CACNA1S: variants seen among roughly 807,000 people sequenced by gnomAD.
CACNA1S encodes calcium voltage-gated channel subunit alpha1 S.
A neutral mutation model predicts 207.4 loss-of-function variants in CACNA1S; 126 were observed. The observed-to-expected ratio is 0.61, with a 90% CI of 0.53 to 0.70. The LOEUF is 0.70. Ranked by LOEUF, CACNA1S falls within the 30% of genes least tolerant of loss-of-function variation. The pLI, the probability that CACNA1S is intolerant of heterozygous loss-of-function variation, is 0.00. For synonymous variants in CACNA1S, 960 were observed against 932.7 expected (o/e 1.03, Z -0.53); for missense variants, 2,349 against 2,422.8 (o/e 0.97, Z 0.64).
At chr1:201,071,939 A>G (rs1661447768) in intron 16 of CACNA1S, among the ~76,000 whole-genome samples, 3 of 152,210 alleles carry the variant, frequency 2.0e-5, no homozygotes, top group Admixed American at 6.5e-5. Flanking sequence ...TGGAACACAA[A>G]AGTCCCCCTG....
At chr1:201,105,382 C>T (rs1197973155) in intron 2 of CACNA1S, among the ~76,000 whole-genome samples, 1 of 152,190 alleles carries the variant, frequency 6.6e-6, no homozygotes, top group Admixed American at 6.5e-5. Context: ...AGTTACCTCT[C>T]TCAAGTATAC....
intron 2 of CACNA1S, among the ~76,000 whole-genome samples, chr1:201,109,145 G>A (rs1404464128): frequency 6.6e-6 from 1 of 152,096 alleles, no homozygotes; most frequent in Admixed American, 6.5e-5. Context: ...CTACTTGGGA[G>A]GCTGAGGCAG....
chr1:201,052,538 G>T lies in CACNA1S; in HGVS notation c.3953+19C>A. 1.3e-6 allele frequency: 2 copies of T among 1,587,742 alleles called. No individual in the cohort carries two copies. The highest frequency in any genetic ancestry group is 3.4e-4 in the Middle Eastern group (2 of 5,888). On this transcript the variant is annotated intron_variant, in intron 32 of 43. Coordinates refer to ENST00000362061, the MANE Select transcript of CACNA1S (RefSeq NM_000069.3). ...GACTGGTCAGCGGGGTAGGGGTGGG[G>T]GTGGCGGGAGACGCGTGCCTGAAGA...
Position 201,112,160 on chromosome 1 carries a change from C to G in CACNA1S, c.152+28G>C, listed in dbSNP as rs201418418. ...ATCCCTCCCTCATGACGCACACCCC[C>G]CCCCACGGCCCGGGCCCTGAAGGAT... On this transcript the variant is annotated intron_variant, in intron 1 of 43. Transcript: ENST00000362061. The G allele has an allele frequency of 4.6e-5, 74 of 1,605,976 alleles. No homozygotes were observed. In the Admixed American group the frequency reaches 5.4e-4, roughly 12 times the overall value.
intron 22 of CACNA1S, among the ~76,000 whole-genome samples, chr1:201,063,141 T>TC (rs1661124606): frequency 7.8e-6 from 1 of 127,418 alleles, no homozygotes. Context: ...CTTTTTTTTT[T>TC]TTTTCAAGGC....
chr1:201,059,155 G>C (rs984440746), intron 27 of CACNA1S, 34 bp downstream of exon 27: 13 of 1,393,980 alleles, frequency 9.3e-6, no homozygotes, highest in Non-Finnish European at 9.2e-6. Context: ...ACCAGCCCCA[G>C]CTTCTCATCT....
At chr1:201,063,490 T>C (rs905076790) in intron 22 of CACNA1S, among the ~76,000 whole-genome samples, 2 of 152,182 alleles carry the variant, frequency 1.3e-5, no homozygotes, top group African/African-American at 4.8e-5. Context: ...GGTTTCACCA[T>C]GTTGGTCAGG....
chr1:201,070,181 A>T, intron 17 of CACNA1S, 91 bp downstream of exon 17: 1 of 1,342,084 alleles, frequency 7.5e-7, no homozygotes, highest in Non-Finnish European at 1.1e-6. Context: ...GTATAACTGT[A>T]GGCATGGAGA....
At chr1:201,056,235 C>T (rs1363076848) in intron 28 of CACNA1S, among the ~76,000 whole-genome samples, 1 of 152,214 alleles carries the variant, frequency 6.6e-6, no homozygotes, top group African/African-American at 2.4e-5. Flanking sequence ...CTGGCCCTCC[C>T]CTAGCACATC....
At chr1:201,068,293 A>C (rs2102128925) in intron 19 of CACNA1S, among the ~76,000 whole-genome samples, 1 of 114,050 alleles carries the variant, frequency 8.8e-6, no homozygotes, top group Middle Eastern at 7.6e-3. Context: ...CCCAGGCTGG[A>C]GTGCAGTGGC....
Position 201,075,565 on chromosome 1 carries a change from G to A in CACNA1S, c.1878C>T (p.Ala626=). ...WTSMMYNGIM[A]YGGPSYPGML... ...TGCCAGGGTAGGACGGCCCGCCGTA[G>A]GCCATGATCCCATTGTACATCATTG... The change falls in exon 13 of 44, where the codon GCC becomes GCT. Residue 626 remains alanine, a synonymous_variant. Coordinates refer to ENST00000362061, the MANE Select transcript of CACNA1S (RefSeq NM_000069.3). The A allele has an allele frequency of 6.2e-7, 1 of 1,614,136 alleles. No individual in the cohort carries two copies. Among genetic ancestry groups the A allele is most frequent in the Non-Finnish European group, 8.5e-7 (1 of 1,179,994 alleles).
Position 201,065,927 on chromosome 1 carries a change from A to G in CACNA1S, c.2764T>C (p.Phe922Leu), listed in dbSNP as rs1211786403. The G allele has an allele frequency of 3.1e-6, 5 of 1,613,150 alleles. No homozygotes were observed. Among genetic ancestry groups the G allele is most frequent in the Non-Finnish European group, 4.2e-6 (5 of 1,179,312 alleles). Residue 922 changes from phenylalanine to leucine, a missense_variant, in exon 22 of 44, where the codon TTC (phenylalanine) becomes CTC (leucine). Coordinates refer to ENST00000362061, the MANE Select transcript of CACNA1S (RefSeq NM_000069.3). ...TTCCCGATGGTGCTGATGGCCACGA[A>G]CATGCACTGCACCACGTGCTGGGGA... ...KGLKHVVQCM[F>L]VAISTIGNIV...
intron 26 of CACNA1S, among the ~76,000 whole-genome samples, chr1:201,059,709 T>C (rs1165075670): frequency 6.6e-6 from 1 of 152,192 alleles, no homozygotes; most frequent in African/African-American, 2.4e-5. Context: ...AGAAGACCCC[T>C]GGATTCCATA....
chr1:201,040,600 C>G, intron 42 of CACNA1S, 22 bp downstream of exon 42: 1 of 1,607,076 alleles, frequency 6.2e-7, no homozygotes, highest in Non-Finnish European at 8.5e-7. Flanking sequence ...GGAGTTTGCT[C>G]CCAGGCCTCT....
At chr1:201,079,045 T>C (rs1572051773) in intron 10 of CACNA1S, among the ~76,000 whole-genome samples, 1 of 146,026 alleles carries the variant, frequency 6.8e-6, no homozygotes, top group East Asian at 2.0e-4. Flanking sequence ...CGCTTGAACC[T>C]GGGAGGCGGA....
Position 201,049,318 on chromosome 1 carries a change from C to A in CACNA1S, c.4242-219G>T. Among the ~76,000 whole-genome samples, 2 of 152,266 alleles carry A rather than the reference C, an allele frequency of 1.3e-5. 1 individual carries two copies. The highest frequency in any genetic ancestry group is 2.9e-5 in the Non-Finnish European group (2 of 68,046). ...CAAAATGGGTACCCCAAAATAGGCT[C>A]TCTCCTTTGGCGCATTCCCTCAGAT... On this transcript the variant is annotated intron_variant, in intron 34 of 43. Coordinates refer to ENST00000362061, the MANE Select transcript of CACNA1S (RefSeq NM_000069.3).
At chr1:201,097,370 C>T (rs1321366407) in intron 2 of CACNA1S, among the ~76,000 whole-genome samples, 2 of 152,156 alleles carry the variant, frequency 1.3e-5, no homozygotes, top group Non-Finnish European at 2.9e-5. Context: ...GGCCTCGTCA[C>T]CAGCCTGCTG....
At position 201,043,538 on chromosome 1, in the gene CACNA1S, G is replaced by T. The variant is rs753513483; in HGVS notation, c.4798-7C>A. 18 of 1,613,852 alleles carry T rather than the reference G, an allele frequency of 1.1e-5. No individual in the cohort carries two copies. The highest frequency in any genetic ancestry group is 1.5e-5 in the Non-Finnish European group (18 of 1,179,970). Reference sequence around the variant, plus strand: ...CAAACAGGCCTCCAGTCCTCTAGGGGCAAGGAGAAGAGCAGTGACTGGGGG... The same window carrying T: ...CAAACAGGCCTCCAGTCCTCTAGGGTCAAGGAGAAGAGCAGTGACTGGGGG... On this transcript the variant is annotated splice_polypyrimidine_tract_variant and splice_region_variant and intron_variant, in intron 39 of 43. Transcript: ENST00000362061.
At chr1:201,085,325 C>T in intron 8 of CACNA1S, 111 bp downstream of exon 8, 1 of 1,438,422 alleles carries the variant, frequency 7.0e-7, no homozygotes, top group Non-Finnish European at 9.8e-7. Flanking sequence ...AAGTCACTCA[C>T]CCTCAAAGGA....
Sources: gnomAD v4.1 joint callset for allele counts (sites outside exome capture counted in the v4.1 genomes callset) on GRCh38, gnomAD v4.1.1 for gene constraint, MANE v1.5 for transcripts, NCBI Gene and HGNC (gene_info 2026-07-23, HGNC 2026-07-21) for gene names.